The following TUSC3 variants were observed in gnomAD, a reference collection of about 807,000 sequenced individuals.
The protein encoded by TUSC3 is tumor suppressor candidate 3.
In TUSC3, 45 loss-of-function variants were observed where a neutral mutation model predicts 44.8. That is an observed-to-expected ratio of 1.00 (90% CI 0.79 to 1.29). TUSC3 has a LOEUF of 1.29. Ranked by LOEUF, TUSC3 falls within the 50% of genes most tolerant of loss-of-function variation. TUSC3 has a pLI of 0.00. For missense variants in TUSC3, 519 were observed against 437.9 expected (o/e 1.19, Z -1.65); for synonymous variants, 212 against 152.9 (o/e 1.39, Z -2.85).
chr8:15,738,831 T>TTTTTTCTTTC (rs1563198681), intron 7 of TUSC3, among the ~76,000 whole-genome samples: 3 of 123,716 alleles, frequency 2.4e-5, no homozygotes, highest in African/African-American at 6.2e-5. Context: ...ATCTTGCTTT[T>TTTTTTCTTTC]TTTTTTTTTT....
chr8:15,662,351 G>A (rs1220993754), intron 5 of TUSC3, 55 bp downstream of exon 5: 3 of 1,602,178 alleles, frequency 1.9e-6, no homozygotes, highest in African/African-American at 2.7e-5. Flanking sequence ...AATAATATAA[G>A]TTGTATAATA....
intron 2 of TUSC3, among the ~76,000 whole-genome samples, chr8:15,524,538 A>T (rs544133550): frequency 6.6e-6 from 1 of 152,336 alleles, no homozygotes; most frequent in African/African-American, 2.4e-5. Context: ...TGTGGAAATG[A>T]TATCCAATAT....
At chr8:15,777,166 A>T in the TUSC3 span, among the ~76,000 whole-genome samples, 28 of 152,174 alleles carry the variant, frequency 1.8e-4, no homozygotes, top group South Asian at 1.0e-3. Context: ...CTAAAAGATA[A>T]ATCAGCTACT....
the TUSC3 span, among the ~76,000 whole-genome samples, chr8:15,810,309 C>T: frequency 6.6e-6 from 1 of 152,096 alleles, no homozygotes; most frequent in Non-Finnish European, 1.5e-5. Flanking sequence ...TCCTCCTTGC[C>T]AATTCACTAT....
intron 1 of TUSC3, among the ~76,000 whole-genome samples, chr8:15,423,679 G>A (rs1308302445): frequency 6.6e-6 from 1 of 152,104 alleles, no homozygotes; most frequent in Non-Finnish European, 1.5e-5. Flanking sequence ...GTTCTCTCTT[G>A]ATCCTCCTAA....
chr8:15,803,700 T>G, the TUSC3 span, among the ~76,000 whole-genome samples: 4,491 of 152,218 alleles, frequency 0.03, 222 homozygotes, highest in African/African-American at 0.1. Flanking sequence ...GTTCTAATGC[T>G]CTCCTCCTCT....
rs139563854 is a variant in TUSC3 at position 15,725,447 on chromosome 8, A to G, written c.799-5219A>G. ...TATAAGGGACTTGCATAAATTTACAAAAACAAATTACTCACTGGCAAGAGA... is the reference window on the plus strand; with the variant it reads ...TATAAGGGACTTGCATAAATTTACAGAAACAAATTACTCACTGGCAAGAGA... On this transcript the variant is annotated intron_variant, in intron 6 of 10. Transcript: ENST00000503731. Among the ~76,000 whole-genome samples the G allele has an allele frequency of 4.7e-4, 72 of 152,314 alleles. 1 individual carries two copies. The highest frequency in any genetic ancestry group is 3.4e-3 in the Middle Eastern group (1 of 294).
At chr8:15,448,290 T>C (rs1417014255) in intron 1 of TUSC3, among the ~76,000 whole-genome samples, 1 of 151,636 alleles carries the variant, frequency 6.6e-6, no homozygotes, top group Non-Finnish European at 1.5e-5. Flanking sequence ...TGCTATTTTT[T>C]GTATTTTTAG....
At chr8:15,820,403 C>T in the TUSC3 span, among the ~76,000 whole-genome samples, 2 of 151,076 alleles carry the variant, frequency 1.3e-5, no homozygotes, top group African/African-American at 4.9e-5. Flanking sequence ...CCTCCACTTA[C>T]CAGGTTCAAG....
chr8:15,669,981 G>T (rs1807870319), intron 5 of TUSC3, among the ~76,000 whole-genome samples: 1 of 143,440 alleles, frequency 7.0e-6, no homozygotes, highest in African/African-American at 2.5e-5. Context: ...GATGATTCAT[G>T]TCATAATGCA....
At chr8:15,814,554 G>C in the TUSC3 span, among the ~76,000 whole-genome samples, 1 of 152,178 alleles carries the variant, frequency 6.6e-6, no homozygotes, top group African/African-American at 2.4e-5. Flanking sequence ...TTAGGTGATT[G>C]AATTTGCTTA....
intron 6 of TUSC3, among the ~76,000 whole-genome samples, chr8:15,692,456 G>T (rs1439154523): frequency 7.5e-6 from 1 of 133,078 alleles, no homozygotes; most frequent in Non-Finnish European, 1.5e-5. Context: ...GTAGAATTTG[G>T]CTTTGAATCC....
intron 1 of TUSC3, among the ~76,000 whole-genome samples, chr8:15,622,186 G>T (rs766972887): frequency 6.6e-6 from 1 of 152,112 alleles, no homozygotes; most frequent in Non-Finnish European, 1.5e-5. Context: ...GTTTTAAAAT[G>T]GCAGGCAGTT....
At chr8:15,737,533 G>T (rs188679955) in intron 7 of TUSC3, among the ~76,000 whole-genome samples, 173 of 152,220 alleles carry the variant, frequency 1.1e-3, no homozygotes, top group African/African-American at 4.0e-3. Flanking sequence ...AGTGTGCACA[G>T]TAGTTTAAAT....
chr8:15,586,173 A>G (rs1339560750), intron 1 of TUSC3, among the ~76,000 whole-genome samples: 1 of 152,212 alleles, frequency 6.6e-6, no homozygotes, highest in African/African-American at 2.4e-5. Context: ...TTAAAAGGTC[A>G]TTTTTAGTTG....
chr8:15,652,278 C>T (rs1358434237), intron 3 of TUSC3, among the ~76,000 whole-genome samples: 4 of 152,192 alleles, frequency 2.6e-5, no homozygotes, highest in Non-Finnish European at 5.9e-5. Context: ...ATCTAGCCTA[C>T]TAATTGTATA....
At chr8:15,734,022 G>A (rs554235818) in intron 7 of TUSC3, among the ~76,000 whole-genome samples, 1 of 152,152 alleles carries the variant, frequency 6.6e-6, no homozygotes, top group Non-Finnish European at 1.5e-5. Flanking sequence ...GAATCTGGGC[G>A]ATAGAGTGAG....
chr8:15,584,168 G>A (rs1164983823), intron 1 of TUSC3, among the ~76,000 whole-genome samples: 2 of 152,112 alleles, frequency 1.3e-5, no homozygotes, highest in East Asian at 1.9e-4. Context: ...AATTGTCAAC[G>A]TCATAAAAGT....
At chr8:15,626,416 C>A (rs1235301377) in intron 2 of TUSC3, among the ~76,000 whole-genome samples, 1 of 152,158 alleles carries the variant, frequency 6.6e-6, no homozygotes. Flanking sequence ...TCCATAGAGC[C>A]AGTGGGAGCG....
Sources: gnomAD v4.1 joint callset for allele counts (sites outside exome capture counted in the v4.1 genomes callset) on GRCh38, gnomAD v4.1.1 for gene constraint, MANE v1.5 for transcripts, NCBI Gene and HGNC (gene_info 2026-07-23, HGNC 2026-07-21) for gene names.